RABGEF1: variants seen among roughly 807,000 people sequenced by gnomAD.
The protein encoded by RABGEF1 is RAB guanine nucleotide exchange factor 1.
Under a neutral mutation model 57.3 loss-of-function variants are expected in RABGEF1, and 26 were observed. That is an observed-to-expected ratio of 0.45 (90% confidence interval 0.33 to 0.63). The LOEUF (loss-of-function observed/expected upper bound fraction) is 0.63, where lower values mean the gene tolerates loss of function less well. RABGEF1 is among the 20% of genes least tolerant of loss of function. RABGEF1 has a pLI of 0.02. For missense variants in RABGEF1, 464 were observed against 607.6 expected (o/e 0.76, Z 2.48); for synonymous variants, 185 against 210.7 (o/e 0.88, Z 1.06).
At chr7:66,655,071 T>G in the RABGEF1 span, among the ~76,000 whole-genome samples, 1 of 152,138 alleles carries the variant, frequency 6.6e-6, no homozygotes, top group Non-Finnish European at 1.5e-5. Flanking sequence ...GCTGGGACGC[T>G]CGGACCCAGA....
rs752262917 is a variant in RABGEF1 at position 66,809,122 on chromosome 7, C to T, written c.1314C>T (p.Leu438=). 1 of 1,614,186 alleles carries T rather than the reference C, an allele frequency of 6.2e-7. No individual in the cohort carries two copies. The highest frequency in any genetic ancestry group is 8.5e-7 in the Non-Finnish European group (1 of 1,180,040). The change falls in exon 9 of 9, where the codon CTC becomes CTT. Residue 438 remains leucine, a synonymous_variant. Transcript: ENST00000284957. ...AAGCCAAGAAACTGGAAAAAGACCT[C>T]ATAGATTGGACAGATGGAATTGCAA... ...MNEAKKLEKD[L]IDWTDGIARE... is the part of the protein sequence containing the mutation.
chr7:66,778,624 A>G (rs1333767446), intron 3 of RABGEF1, among the ~76,000 whole-genome samples: 2 of 152,178 alleles, frequency 1.3e-5, no homozygotes, highest in Non-Finnish European at 2.9e-5. Flanking sequence ...TAAAATACCA[A>G]TACCACCCAG....
At chr7:66,710,564 A>G (rs1483923384) in intron 1 of RABGEF1, among the ~76,000 whole-genome samples, 1 of 152,118 alleles carries the variant, frequency 6.6e-6, no homozygotes, top group Non-Finnish European at 1.5e-5. Flanking sequence ...AGCCCTTTTA[A>G]TTTTAGCCAT....
intron 1 of RABGEF1, among the ~76,000 whole-genome samples, chr7:66,706,333 C>G (rs1456716293): frequency 2.0e-5 from 3 of 151,982 alleles, no homozygotes; most frequent in Non-Finnish European, 4.4e-5. Flanking sequence ...TATGCGATAC[C>G]TAGGAATGAA....
chr7:66,672,301 G>T, the RABGEF1 span, among the ~76,000 whole-genome samples: 3 of 151,784 alleles, frequency 2.0e-5, no homozygotes, highest in Admixed American at 6.6e-5. Flanking sequence ...GCGCGGTGGC[G>T]GGCACCTGTA....
upstream of RABGEF1, among the ~76,000 whole-genome samples, chr7:66,681,785 G>A (rs1328461174): frequency 2.0e-5 from 3 of 152,190 alleles, no homozygotes; most frequent in Non-Finnish European, 4.4e-5. Context: ...CGGCGCAGTG[G>A]CTCCGCTCCA....
At chr7:66,744,041 CTTTT>C (rs111338333) in intron 1 of RABGEF1, among the ~76,000 whole-genome samples, 5 of 95,010 alleles carry the variant, frequency 5.3e-5, no homozygotes, top group Non-Finnish European at 1.4e-4. Flanking sequence ...CTTTTCTTTT[CTTTT>C]TTTTTTTTTT....
chr7:66,802,785 T>C (rs1318944437), intron 7 of RABGEF1, among the ~76,000 whole-genome samples: 1 of 152,208 alleles, frequency 6.6e-6, no homozygotes, highest in Non-Finnish European at 1.5e-5. Context: ...TCTCCCTTTT[T>C]CCACCCCAGC....
At chr7:66,681,725 C>T (rs534134548), upstream of RABGEF1, among the ~76,000 whole-genome samples, 4 of 152,294 alleles carry the variant, frequency 2.6e-5, no homozygotes, top group African/African-American at 9.6e-5. Context: ...GAACACCTGT[C>T]ACATCCTAGG....
chr7:66,720,169 C>CATT lies in RABGEF1; in HGVS notation c.-815+7970_-815+7972dup, dbSNP rs200225436. On this transcript the variant is annotated intron_variant and NMD_transcript_variant, in intron 2 of 9. Coordinates refer to the RABGEF1 transcript ENST00000607882. ...CATTTGACAACATTCAACATCCATT[C>CATT]ATTATTATTATTATTATTATTATTA... 1.8e-3 allele frequency among the ~76,000 whole-genome samples: 237 copies of CATT among 133,996 alleles called. 1 individual carries two copies. The Middle Eastern group carries it at 0.039, about 22-fold the overall frequency. The allele number at this position is 133,996 out of a possible 152,430, so 87.9% of individuals were successfully genotyped here.
intron 1 of RABGEF1, among the ~76,000 whole-genome samples, chr7:66,749,750 T>A (rs895462411): frequency 5.3e-5 from 8 of 152,008 alleles, no homozygotes; most frequent in Non-Finnish European, 1.0e-4. Flanking sequence ...GGCGGGCGGA[T>A]CACGAGGTCA....
Position 66,775,243 on chromosome 7 carries a change from G to C in RABGEF1, c.196G>C (p.Glu66Gln), listed in dbSNP as rs776635900. 1 of 1,613,178 alleles carries C rather than the reference G, an allele frequency of 6.2e-7. No individual in the cohort carries two copies. Among genetic ancestry groups the C allele is most frequent in the Non-Finnish European group, 8.5e-7 (1 of 1,179,622 alleles). Residue 66 changes from glutamate (E) to glutamine (Q), a missense_variant, in exon 3 of 9, where the codon GAA becomes CAA. Transcript: ENST00000284957. ...ELAERLQREE[E>Q]EAFASSQSSQ... ...GAATTGCAGACTCCAGCGGGAGGAA[G>C]AAGAGGCCTTTGCCAGCAGTCAGAG...
chr7:66,711,017 A>G (rs1211653355), intron 1 of RABGEF1, among the ~76,000 whole-genome samples: 1 of 152,052 alleles, frequency 6.6e-6, no homozygotes, highest in Non-Finnish European at 1.5e-5. Context: ...AAACTTAGCC[A>G]GGTATGATGG....
chr7:66,739,657 C>CAAAA (rs10554809), upstream of RABGEF1, among the ~76,000 whole-genome samples: 2 of 80,398 alleles, frequency 2.5e-5, no homozygotes, highest in African/African-American at 5.4e-5. Flanking sequence ...GTGAGAGTCT[C>CAAAA]AAAAAAAAAA....
chr7:66,681,962 T>TACCCTCTTCTATTTGCTCTTGGG (rs1789782708), upstream of RABGEF1, among the ~76,000 whole-genome samples: 1 of 152,220 alleles, frequency 6.6e-6, no homozygotes, highest in Non-Finnish European at 1.5e-5. Flanking sequence ...GCGCGGAGGC[T>TACCCTCTTCTATTTGCTCTTGGG]ACCCTCTTCT....
chr7:66,758,003 G>GA (rs1179091268), intron 1 of RABGEF1, among the ~76,000 whole-genome samples: 1 of 151,954 alleles, frequency 6.6e-6, no homozygotes, highest in Admixed American at 6.6e-5. Flanking sequence ...AAATTTAAGG[G>GA]AAAAAAATCA....
chr7:66,763,329 A>C (rs1480415498), intron 1 of RABGEF1, among the ~76,000 whole-genome samples: 5 of 152,202 alleles, frequency 3.3e-5, no homozygotes. Flanking sequence ...TCGTGTTGGC[A>C]GAATTCATTT....
intron 3 of RABGEF1, among the ~76,000 whole-genome samples, chr7:66,779,495 C>T (rs1038091600): frequency 6.6e-5 from 10 of 151,852 alleles, no homozygotes; most frequent in African/African-American, 2.2e-4. Flanking sequence ...CAATGTGAGG[C>T]CCCCATCTTT....
intron 1 of RABGEF1, among the ~76,000 whole-genome samples, chr7:66,688,750 C>A (rs1367644477): frequency 6.6e-6 from 1 of 152,096 alleles, no homozygotes; most frequent in Non-Finnish European, 1.5e-5. Flanking sequence ...TTATGGGATG[C>A]AGTTAAAGCA....
Sources: gnomAD v4.1 joint callset for allele counts (sites outside exome capture counted in the v4.1 genomes callset) on GRCh38, gnomAD v4.1.1 for gene constraint, MANE v1.5 for transcripts, NCBI Gene and HGNC (gene_info 2026-07-23, HGNC 2026-07-21) for gene names.